Variants in SLCO3A1 observed in about 807,000 individuals in gnomAD.
SLCO3A1 encodes PGE1 transporter.
In SLCO3A1, 27 loss-of-function variants were observed where a neutral mutation model predicts 63.1. The ratio of observed to expected loss-of-function variants is 0.43; its 90% CI spans 0.32 to 0.59. The LOEUF (loss-of-function observed/expected upper bound fraction) is 0.59. Ranked by LOEUF, SLCO3A1 falls within the 20% of genes least tolerant of loss-of-function variation. The pLI, the probability that SLCO3A1 is intolerant of heterozygous loss-of-function variation, is 0.09. For synonymous variants in SLCO3A1, 473 were observed against 409.9 expected, an observed-to-expected ratio of 1.15 and a Z score of -1.86; for missense variants, 773 against 945.8, an observed-to-expected ratio of 0.82 and a Z score of 2.40.
intron 2 of SLCO3A1, among the ~76,000 whole-genome samples, chr15:91,920,274 T>C (rs1379675261): frequency 6.6e-6 from 1 of 152,022 alleles, no homozygotes; most frequent in Non-Finnish European, 1.5e-5. Flanking sequence ...GGATGGGAGC[T>C]CAAGGGTGGT....
intron 4 of SLCO3A1, among the ~76,000 whole-genome samples, chr15:92,115,010 C>T (rs922337262): frequency 1.3e-5 from 2 of 152,166 alleles, no homozygotes; most frequent in Non-Finnish European, 2.9e-5. Context: ...GCATTAGCTT[C>T]ATCTCCCCTT....
downstream of SLCO3A1, among the ~76,000 whole-genome samples, chr15:92,167,255 G>T (rs1054880386): frequency 1.3e-5 from 2 of 152,198 alleles, no homozygotes; most frequent in Non-Finnish European, 2.9e-5. Context: ...CAGACACATG[G>T]CAGGGGCCTG....
At chr15:92,017,747 G>A (rs999810811) in intron 2 of SLCO3A1, among the ~76,000 whole-genome samples, 2 of 152,142 alleles carry the variant, frequency 1.3e-5, no homozygotes, top group South Asian at 2.1e-4. Context: ...AAAAGGGAAG[G>A]TGAAGCTACC....
At chr15:92,013,708 C>T (rs912772683) in intron 2 of SLCO3A1, among the ~76,000 whole-genome samples, 1 of 152,210 alleles carries the variant, frequency 6.6e-6, no homozygotes, top group African/African-American at 2.4e-5. Flanking sequence ...GTCATAAAAT[C>T]ATGGCATCTA....
rs1172384150 is a variant in SLCO3A1 at position 92,126,104 on chromosome 15, A to G, written c.1218A>G (p.Gly406=). 1 of 1,613,026 alleles carries G rather than the reference A, an allele frequency of 6.2e-7. No individual in the cohort carries two copies. The highest frequency in any genetic ancestry group is 2.2e-5 in the East Asian group (1 of 44,784). Residue 406 remains glycine (G), a synonymous_variant, in exon 6 of 10, where the codon GGA becomes GGG. Coordinates refer to ENST00000318445, the MANE Select transcript of SLCO3A1 (RefSeq NM_013272.4). ...IPCACLGIFL[G]GLLVKKLSLS... ...GTGCTTGTCTGGGTATCTTCCTGGG[A>G]GGTCTTTTGGTGAAGAAGCTCAGCC...
At chr15:92,080,480 G>A (rs1324605105) in intron 2 of SLCO3A1, among the ~76,000 whole-genome samples, 1 of 151,954 alleles carries the variant, frequency 6.6e-6, no homozygotes, top group Non-Finnish European at 1.5e-5. Context: ...AGAAGGTGAA[G>A]GATGAGAGAA....
intron 2 of SLCO3A1, among the ~76,000 whole-genome samples, chr15:91,953,098 G>T (rs996620835): frequency 1.3e-5 from 2 of 152,230 alleles, no homozygotes; most frequent in African/African-American, 4.8e-5. Flanking sequence ...TCATTCTTCA[G>T]AGTAGACTAG....
At chr15:91,971,961 A>G (rs1900892480) in intron 2 of SLCO3A1, among the ~76,000 whole-genome samples, 1 of 151,986 alleles carries the variant, frequency 6.6e-6, no homozygotes, top group African/African-American at 2.4e-5. Flanking sequence ...AGTTTGGAAT[A>G]TTTGCATTAT....
At position 92,028,955 on chromosome 15, in the gene SLCO3A1, GAAAACCCC is replaced by G. The variant is rs2046612312; in HGVS notation, c.647-65925_647-65918del. Among the ~76,000 whole-genome samples, 10 of 151,268 alleles carry G rather than the reference GAAAACCCC, an allele frequency of 6.6e-5. 1 individual carries two copies. In the South Asian group the frequency reaches 2.1e-3, roughly 32 times the overall value. ...TGTGTGTGTGTGTGTACGTACATGA[GAAAACCCC>G]TGACCCATGGTCAAACAACCCCCAA... On this transcript the variant is annotated intron_variant, in intron 2 of 9. Coordinates refer to ENST00000318445, the MANE Select transcript of SLCO3A1 (RefSeq NM_013272.4).
At chr15:91,903,803 G>A (rs1475831272) in intron 1 of SLCO3A1, among the ~76,000 whole-genome samples, 1 of 152,246 alleles carries the variant, frequency 6.6e-6, no homozygotes, top group Non-Finnish European at 1.5e-5. Flanking sequence ...TGACTGAGGT[G>A]TACCGAGCAA....
At chr15:91,993,563 T>C (rs1822368377) in intron 2 of SLCO3A1, among the ~76,000 whole-genome samples, 1 of 152,190 alleles carries the variant, frequency 6.6e-6, no homozygotes, top group South Asian at 2.1e-4. Flanking sequence ...TAAATATTTA[T>C]TGATTTTATC....
rs191738673 is a variant in SLCO3A1, at chr15:91,934,269, G to A, written c.646+17811G>A. Among the ~76,000 whole-genome samples the A allele has an allele frequency of 2.6e-5, 4 of 152,266 alleles. No individual in the cohort carries two copies. The East Asian group carries it at 7.7e-4, about 29-fold the overall frequency. On this transcript the variant is annotated intron_variant, in intron 2 of 9. Coordinates refer to ENST00000318445, the MANE Select transcript of SLCO3A1 (RefSeq NM_013272.4). ...AAGTACACTACTTTGACGTCAAGCA[G>A]TAAGCAAGCCTACCCTTTGCCCCAG...
intron 2 of SLCO3A1, among the ~76,000 whole-genome samples, chr15:91,957,326 G>A (rs766629322): frequency 6.7e-6 from 1 of 148,232 alleles, no homozygotes; most frequent in Admixed American, 6.9e-5. Flanking sequence ...GATTTCAGCC[G>A]CCAATGTGGT....
At chr15:91,957,054 A>G (rs1900236328) in intron 2 of SLCO3A1, among the ~76,000 whole-genome samples, 1 of 34,002 alleles carries the variant, frequency 2.9e-5, no homozygotes, top group Non-Finnish European at 4.8e-5. Context: ...TATATATAAT[A>G]TATACTATAT....
intron 2 of SLCO3A1, among the ~76,000 whole-genome samples, chr15:92,041,199 A>G (rs1175668268): frequency 6.6e-6 from 1 of 152,086 alleles, no homozygotes; most frequent in South Asian, 2.1e-4. Flanking sequence ...CAGCTTTCCT[A>G]AGATGAATGA....
intron 2 of SLCO3A1, among the ~76,000 whole-genome samples, chr15:92,038,886 G>A (rs2046760500): frequency 6.6e-6 from 1 of 152,108 alleles, no homozygotes; most frequent in Non-Finnish European, 1.5e-5. Flanking sequence ...AAACAGCATG[G>A]TACTGGTACC....
At chr15:92,159,861 A>AT (rs1387081374) in intron 9 of SLCO3A1, among the ~76,000 whole-genome samples, 5 of 152,086 alleles carry the variant, frequency 3.3e-5, no homozygotes, top group African/African-American at 1.2e-4. Flanking sequence ...GCACAGTGGT[A>AT]TTTTGGGGGG....
rs1317929096 is a variant in SLCO3A1 at position 91,886,277 on chromosome 15, A to T, written c.181-29716A>T. Among the ~76,000 whole-genome samples, 1 of 152,070 alleles carries T rather than the reference A, an allele frequency of 6.6e-6. No individual in the cohort carries two copies. Among genetic ancestry groups the T allele is most frequent in the East Asian group, 1.9e-4 (1 of 5,186 alleles). The stretch of plus-strand genomic sequence containing the variant: ...GATTGTATCTTTTTCTCACCAGCTA[A>T]CTCTTACTAATTAGAAATTGACAAC... On this transcript the variant is annotated intron_variant, in intron 1 of 9. Transcript: ENST00000318445. The surrounding 1 kb of genome is among the most constrained non-coding windows in gnomAD (Gnocchi z 4.9).
chr15:92,036,959 AG>A (rs2046735331), intron 2 of SLCO3A1, among the ~76,000 whole-genome samples: 1 of 152,186 alleles, frequency 6.6e-6, no homozygotes, highest in African/African-American at 2.4e-5. Context: ...GACCAGCTCC[AG>A]AAGTTCATTA....
Sources: allele counts gnomAD v4.1 joint callset (sites outside exome capture counted in the v4.1 genomes callset), GRCh38; gene constraint gnomAD v4.1.1; non-coding constraint Gnocchi (gnomAD v3.1); transcripts MANE v1.5; gene names NCBI Gene and HGNC (gene_info 2026-07-23, HGNC 2026-07-21).